Variants in RB1 observed in about 807,000 individuals in gnomAD.
RB1 encodes the protein retinoblastoma-associated protein.
Under a neutral mutation model 135.4 loss-of-function variants are expected in RB1, and 18 were observed. The ratio of observed to expected loss-of-function variants is 0.13; its 90% CI spans 0.09 to 0.20. RB1 has a LOEUF of 0.20. RB1 is among the 10% of genes least tolerant of loss of function. The pLI is 1.00. For missense variants in RB1, 868 were observed against 1,110.0 expected (o/e 0.78, Z 3.10); for synonymous variants, 365 against 373.2 (o/e 0.98, Z 0.25).
chr13:48,407,750 G>A (rs1948752861), intron 17 of RB1, among the ~76,000 whole-genome samples: 1 of 152,106 alleles, frequency 6.6e-6, no homozygotes, highest in Non-Finnish European at 1.5e-5. Flanking sequence ...TTTCAGGAAA[G>A]CCCCAAAAAG....
intron 17 of RB1, chr13:48,412,629 C>A (rs1948836423): frequency 1.7e-6 from 1 of 598,996 alleles, no homozygotes; most frequent in Non-Finnish European, 3.0e-6. Flanking sequence ...GGTTCTTCAA[C>A]AGGAAAATAT....
At chr13:48,446,431 C>T (rs1321794940) in intron 17 of RB1, among the ~76,000 whole-genome samples, 2 of 152,204 alleles carry the variant, frequency 1.3e-5, no homozygotes, top group Admixed American at 6.5e-5. Context: ...ATAAGATAGA[C>T]AAAGCCCAAG....
At chr13:48,328,227 A>T (rs1199585966) in intron 2 of RB1, 1 of 1,444,832 alleles carries the variant, frequency 6.9e-7, no homozygotes, top group Non-Finnish European at 9.7e-7. Flanking sequence ...CTTCATCCTC[A>T]TCTTTGCTTC....
At chr13:48,390,185 A>G (rs1948600335) in intron 17 of RB1, among the ~76,000 whole-genome samples, 1 of 152,182 alleles carries the variant, frequency 6.6e-6, no homozygotes, top group Non-Finnish European at 1.5e-5. Flanking sequence ...CAAAACAAAC[A>G]AACAAAAAGT....
intron 6 of RB1, among the ~76,000 whole-genome samples, chr13:48,351,218 T>C (rs1469241253): frequency 1.3e-5 from 2 of 152,210 alleles, no homozygotes; most frequent in Non-Finnish European, 2.9e-5. Context: ...AAGTGTTCTC[T>C]TTTCTTTTGC....
chr13:48,429,776 A>C lies in RB1; in HGVS notation c.1696-23217A>C, dbSNP rs73492996. Among the ~76,000 whole-genome samples the C allele has an allele frequency of 4.5e-3, 690 of 152,350 alleles. 3 individuals are homozygous for C. The highest frequency in any genetic ancestry group is 0.016 in the African/African-American group (654 of 41,586). On this transcript the variant is annotated intron_variant, in intron 17 of 26. Coordinates refer to ENST00000267163, the MANE Select transcript of RB1 (RefSeq NM_000321.3). ...ACAATTTATGTACCAGCAGTAATCA[A>C]CTGGAAAATGTAATGAAAAATATTC...
In RB1 at chr13:48,443,480, A is replaced by C. The variant is rs142368330; in HGVS notation, c.1696-9513A>C. 6.3e-3 allele frequency among the ~76,000 whole-genome samples: 959 copies of C among 152,326 alleles called. 11 individuals are homozygous for C. The highest frequency in any genetic ancestry group is 0.022 in the African/African-American group (912 of 41,596). ...AAGTCACAGTTTACTAAAATAGCTA[A>C]GTTTTCTGATTCATAAAATGAATAA... On this transcript the variant is annotated intron_variant, in intron 17 of 26. Coordinates refer to ENST00000267163, the MANE Select transcript of RB1 (RefSeq NM_000321.3).
At chr13:48,332,406 G>A (rs1952345753) in intron 2 of RB1, among the ~76,000 whole-genome samples, 1 of 152,018 alleles carries the variant, frequency 6.6e-6, no homozygotes, top group African/African-American at 2.4e-5. Context: ...CCATCTCTAC[G>A]AAAAATTAAA....
At chr13:48,465,465 C>T (rs1036115415) in intron 23 of RB1, 97 bp downstream of exon 23, 2 of 1,237,572 alleles carry the variant, frequency 1.6e-6, no homozygotes, top group Non-Finnish European at 2.3e-6. Context: ...TTCAAATAAG[C>T]TAGACTCTTG....
intron 19 of RB1, 34 bp downstream of exon 19, chr13:48,456,383 C>T: frequency 6.2e-7 from 1 of 1,610,414 alleles, no homozygotes; most frequent in Non-Finnish European, 8.5e-7. Context: ...AGCATGGACT[C>T]TGAAACTAGG....
chr13:48,361,711 G>A (rs1027339731), intron 7 of RB1, among the ~76,000 whole-genome samples: 1 of 151,966 alleles, frequency 6.6e-6, no homozygotes, highest in African/African-American at 2.4e-5. Flanking sequence ...TATACTTTGT[G>A]TTTGGTTGAC....
At position 48,380,188 on chromosome 13, in the gene RB1, T is replaced by C. The variant is rs2138142861; in HGVS notation, c.1445T>C (p.Phe482Ser). ...AGCAAACTTCTGAATGACAACATTT[T>C]TCATATGTCTTTATTGGCGTGCGCT... The part of the protein sequence containing the change: ...NFSKLLNDNI[F>S]HMSLLACALE... The change falls in exon 16 of 27, where the codon TTT becomes TCT. Residue 482 changes from phenylalanine to serine, a missense_variant. Phe to Ser is a radical substitution (Grantham distance 155, BLOSUM62 -2). Transcript: ENST00000267163. 1 of 1,601,766 alleles carries C rather than the reference T, an allele frequency of 6.2e-7. No individual in the cohort carries two copies. Among genetic ancestry groups the C allele is most frequent in the South Asian group, 1.1e-5 (1 of 88,226 alleles).
rs4151430 is a variant in RB1 at position 48,316,216 on chromosome 13, A to G, written c.264+8810A>G. Among the ~76,000 whole-genome samples, 879 of 148,626 alleles carry G rather than the reference A, an allele frequency of 5.9e-3. 7 individuals are homozygous for G. Among genetic ancestry groups the G allele is most frequent in the Middle Eastern group, 0.01 (3 of 288 alleles). On this transcript the variant is annotated intron_variant, in intron 2 of 26. Coordinates refer to ENST00000267163, the MANE Select transcript of RB1 (RefSeq NM_000321.3). ...CTTTAAATCGTTTTTTCCAGCGGAC[A>G]GCTGTGACTGCAGTTTTCAAATGTG...
rs779556016 is a variant in RB1, at chr13:48,412,250, G to A, written c.1695+30807G>A. On this transcript the variant is annotated intron_variant, in intron 17 of 26. Transcript: ENST00000267163. ...CAAAAAGCAAGTCTGACATTGCCAA[G>A]TTAATCATGTAAGTTGTAGTTTCAT... 6.5e-5 allele frequency: 105 copies of A among 1,613,968 alleles called. 1 individual carries two copies. The highest frequency in any genetic ancestry group is 3.3e-4 in the Middle Eastern group (2 of 6,084).
chr13:48,405,925 C>G (rs1165940238), intron 17 of RB1, among the ~76,000 whole-genome samples: 1 of 152,108 alleles, frequency 6.6e-6, no homozygotes. Context: ...TCATTTAACA[C>G]TACCTTCTTG....
intron 2 of RB1, among the ~76,000 whole-genome samples, chr13:48,327,304 G>A (rs1261168070): frequency 6.6e-6 from 1 of 151,730 alleles, no homozygotes; most frequent in Non-Finnish European, 1.5e-5. Context: ...CTTATGATTC[G>A]CTTCAAGTTC....
intron 2 of RB1, among the ~76,000 whole-genome samples, chr13:48,312,960 C>G (rs572168026): frequency 6.6e-6 from 1 of 152,102 alleles, no homozygotes; most frequent in East Asian, 1.9e-4. Context: ...TAACACCCTC[C>G]CATGCTCCCA....
In RB1 at chr13:48,479,099, G is replaced by A. The variant is rs1236001586; in HGVS notation, c.2714-899G>A. Among the ~76,000 whole-genome samples the A allele has an allele frequency of 2.6e-5, 4 of 152,044 alleles. No homozygotes were observed. In the East Asian group the frequency reaches 7.7e-4, roughly 29 times the overall value. On this transcript the variant is annotated intron_variant, in intron 26 of 26. Coordinates refer to ENST00000267163, the MANE Select transcript of RB1 (RefSeq NM_000321.3). Reference sequence around the variant, plus strand: ...AAAAATTAGCCAGGCCTGGTGGCATGTGCCTGTAGTCTTGGCTACTGGAGA... The same window carrying A: ...AAAAATTAGCCAGGCCTGGTGGCATATGCCTGTAGTCTTGGCTACTGGAGA...
At chr13:48,475,476 G>T (rs747167894) in intron 24 of RB1, among the ~76,000 whole-genome samples, 3 of 152,204 alleles carry the variant, frequency 2.0e-5, no homozygotes, top group Non-Finnish European at 4.4e-5. Flanking sequence ...TTGCCCTTGG[G>T]CCCCTCCATA....
Sources: allele counts gnomAD v4.1 joint callset (sites outside exome capture counted in the v4.1 genomes callset), GRCh38; gene constraint gnomAD v4.1.1; transcripts MANE v1.5; gene names NCBI Gene and HGNC (gene_info 2026-07-23, HGNC 2026-07-21).